CDH8: variants seen among roughly 807,000 people sequenced by gnomAD.
The protein encoded by CDH8 is cadherin 8, also known as cadherin-8.
In CDH8, 17 loss-of-function variants were observed where a neutral mutation model predicts 68.1. The observed-to-expected ratio is 0.25, with a 90% CI of 0.17 to 0.37. The LOEUF is 0.37. CDH8 is among the 10% of genes least tolerant of loss of function. The pLI, the probability that CDH8 is intolerant of heterozygous loss-of-function variation, is 1.00. For missense variants in CDH8, 763 were observed against 999.3 expected, an observed-to-expected ratio of 0.76 and a Z score of 3.19; for synonymous variants, 372 against 365.1, an observed-to-expected ratio of 1.02 and a Z score of -0.21.
At chr16:62,010,820 G>C (rs975413694) in intron 2 of CDH8, among the ~76,000 whole-genome samples, 4 of 151,940 alleles carry the variant, frequency 2.6e-5, no homozygotes, top group African/African-American at 9.7e-5. Flanking sequence ...GCATATGCCT[G>C]TAATCCCAGC....
At chr16:61,995,938 T>C (rs907340599) in intron 2 of CDH8, among the ~76,000 whole-genome samples, 7 of 152,228 alleles carry the variant, frequency 4.6e-5, no homozygotes, top group African/African-American at 1.7e-4. Context: ...CAAGAATGTA[T>C]GAAATCTTCA....
At chr16:61,783,445 C>T (rs910252349) in intron 8 of CDH8, among the ~76,000 whole-genome samples, 1 of 151,222 alleles carries the variant, frequency 6.6e-6, no homozygotes, top group African/African-American at 2.4e-5. Context: ...TGTGAAAAGA[C>T]CAAATCTACA....
intron 3 of CDH8, among the ~76,000 whole-genome samples, chr16:61,884,881 C>T (rs1286645626): frequency 6.6e-6 from 1 of 152,048 alleles, no homozygotes; most frequent in Non-Finnish European, 1.5e-5. Flanking sequence ...GGGGTTATAA[C>T]CCTAACCCCT....
At chr16:61,993,757 T>C (rs1965765653) in intron 2 of CDH8, among the ~76,000 whole-genome samples, 1 of 152,104 alleles carries the variant, frequency 6.6e-6, no homozygotes, top group Non-Finnish European at 1.5e-5. Context: ...AGGAAATATT[T>C]TATGCACACG....
chr16:61,801,873 G>A lies in CDH8; in HGVS notation c.1278-12391C>T. 2.0e-5 allele frequency among the ~76,000 whole-genome samples: 3 copies of A among 151,850 alleles called. No homozygotes were observed. The East Asian group carries it at 5.9e-4, about 30-fold the overall frequency. On this transcript the variant is annotated intron_variant, in intron 7 of 11. Coordinates refer to ENST00000577390, the MANE Select transcript of CDH8 (RefSeq NM_001796.5). The stretch of plus-strand genomic sequence containing the variant: ...CAGTCTGAGATCAAACTGCAAGGCG[G>A]CAGCGAGGCTGGGGGAGGGGCGCCC...
At chr16:61,949,537 C>T (rs928297491) in intron 2 of CDH8, among the ~76,000 whole-genome samples, 1 of 152,034 alleles carries the variant, frequency 6.6e-6, no homozygotes, top group Non-Finnish European at 1.5e-5. Flanking sequence ...TCTTTGGGTC[C>T]ACACCACCTT....
intron 2 of CDH8, among the ~76,000 whole-genome samples, chr16:61,918,078 T>TAA (rs58046663): frequency 1 from 150,489 of 150,552 alleles, 75,213 homozygotes; most frequent in Middle Eastern, 1. Flanking sequence ...ACAACTGTAC[T>TAA]GAGTCATAGA....
At chr16:61,775,114 A>C (rs905630712) in intron 8 of CDH8, among the ~76,000 whole-genome samples, 1 of 152,192 alleles carries the variant, frequency 6.6e-6, no homozygotes, top group African/African-American at 2.4e-5. Context: ...CTATAACCCC[A>C]GCATTTTGGG....
At position 61,647,813 on chromosome 16, in the gene CDH8, G is replaced by C. The variant is rs1963237472; in HGVS notation, c.*5795C>G. 1.4e-6 allele frequency: 1 copy of C among 699,632 alleles called. No homozygotes were observed. The highest frequency in any genetic ancestry group is 1.8e-5 in the African/African-American group (1 of 57,048). The allele number at this position is 699,632 out of a possible 1,614,324, so 43.3% of individuals were successfully genotyped here. A position where few individuals can be genotyped will look rare whatever the true frequency, so the allele number is the denominator to read the frequency against. ...TCTGGTCCTGACCTCTGAGTTCATTGAAGCCATGGTTTTCCACAGTCTTTC... is the reference window on the plus strand; with the variant it reads ...TCTGGTCCTGACCTCTGAGTTCATTCAAGCCATGGTTTTCCACAGTCTTTC... On this transcript the variant is annotated 3_prime_UTR_variant, in exon 12 of 12. Transcript: ENST00000577390.
At chr16:61,860,366 A>C (rs540721031) in intron 3 of CDH8, among the ~76,000 whole-genome samples, 2 of 152,286 alleles carry the variant, frequency 1.3e-5, no homozygotes, top group Middle Eastern at 6.8e-3. Flanking sequence ...AGACAGACTA[A>C]GACAGGGGTA....
chr16:61,940,802 G>A (rs1459203536), intron 2 of CDH8: 2 of 152,164 alleles, frequency 1.3e-5, no homozygotes, highest in Admixed American at 6.5e-5. Flanking sequence ...CAACAGCAGC[G>A]GCTTGGAAAT....
chr16:62,028,061 A>ATTTTTTTT (rs768513131), intron 1 of CDH8, among the ~76,000 whole-genome samples: 1 of 115,844 alleles, frequency 8.6e-6, no homozygotes. Flanking sequence ...TGTCAAATCC[A>ATTTTTTTT]TTTTTTTTTT....
chr16:61,823,717 A>G (rs916337356), intron 5 of CDH8, among the ~76,000 whole-genome samples: 1 of 151,874 alleles, frequency 6.6e-6, no homozygotes, highest in African/African-American at 2.4e-5. Flanking sequence ...AAAGGTCCTC[A>G]TAGGTCCTCA....
chr16:61,946,963 T>TCAAACTGTG (rs1397935727), intron 2 of CDH8, among the ~76,000 whole-genome samples: 1 of 152,198 alleles, frequency 6.6e-6, no homozygotes, highest in Non-Finnish European at 1.5e-5. Flanking sequence ...GAACACAGAA[T>TCAAACTGTG]CAAACTGTGT....
Position 61,651,946 on chromosome 16 carries a change from G to GT in CDH8, c.*1661dup. 2.9e-6 allele frequency: 1 copy of GT among 349,282 alleles called. No individual in the cohort carries two copies. Among genetic ancestry groups the GT allele is most frequent in the Non-Finnish European group, 4.0e-6 (1 of 248,858 alleles). 21.6% of individuals were successfully genotyped at this position (349,282 alleles called of 1,614,324 possible). On this transcript the variant is annotated 3_prime_UTR_variant, in exon 12 of 12. Transcript: ENST00000577390. ...TTTGGTTGAGTATTCTAGAATTTTA[G>GT]TTTGAGTTGATGATTCTGTTAATAG...
intron 2 of CDH8, among the ~76,000 whole-genome samples, chr16:62,018,854 C>T (rs1246683330): frequency 1.3e-5 from 2 of 152,310 alleles, no homozygotes; most frequent in East Asian, 1.9e-4. Flanking sequence ...GAACGTCTCA[C>T]GTGTCAATAA....
intron 8 of CDH8, among the ~76,000 whole-genome samples, chr16:61,750,116 T>C (rs947749005): frequency 1.3e-5 from 2 of 152,058 alleles, no homozygotes; most frequent in African/African-American, 4.8e-5. Context: ...TTTATGTCCA[T>C]GTGTAATCAA....
At chr16:61,829,622 C>T (rs2143003252) in intron 4 of CDH8, among the ~76,000 whole-genome samples, 1 of 151,954 alleles carries the variant, frequency 6.6e-6, no homozygotes, top group South Asian at 2.1e-4. Context: ...CTCAAGATGA[C>T]CCCACTGGGA....
intron 2 of CDH8, among the ~76,000 whole-genome samples, chr16:61,984,456 GT>G (rs568736161): frequency 1.1e-3 from 163 of 142,052 alleles, no homozygotes; most frequent in Admixed American, 1.3e-3. Context: ...TGTCTTTTAC[GT>G]TTTTTTTTTT....
Sources: allele counts gnomAD v4.1 joint callset (sites outside exome capture counted in the v4.1 genomes callset), GRCh38; gene constraint gnomAD v4.1.1; transcripts MANE v1.5; gene names NCBI Gene and HGNC (gene_info 2026-07-23, HGNC 2026-07-21).